USP40: variants seen among roughly 807,000 people sequenced by gnomAD.
USP40 encodes ubiquitin carboxyl-terminal hydrolase 40.
USP40 carries 143 observed loss-of-function variants against 166.2 expected under a neutral mutation model. That is an observed-to-expected ratio of 0.86 (90% CI 0.75 to 0.99). The LOEUF (loss-of-function observed/expected upper bound fraction) is 0.99. Ranked by LOEUF, USP40 falls within the 50% of genes least tolerant of loss-of-function variation. USP40 has a pLI of 0.00. For synonymous variants in USP40, 498 were observed against 524.0 expected (o/e 0.95, Z 0.68); for missense variants, 1,444 against 1,479.7 (o/e 0.98, Z 0.40).
Position 233,512,605 on chromosome 2 carries a change from T to C in USP40, c.2401A>G (p.Arg801Gly). The C allele has an allele frequency of 6.4e-7, 1 of 1,567,760 alleles. No individual in the cohort carries two copies. ...MKELADNSCLRPIDRNGKLLC... is the reference protein window; with the variant it reads ...MKELADNSCLGPIDRNGKLLC... Reference sequence around the variant, plus strand: ...AGCTTCCCATTTCTATCAATAGGTCTCAAACAGCTGTTGTCAGCTATATAT... The same window carrying C: ...AGCTTCCCATTTCTATCAATAGGTCCCAAACAGCTGTTGTCAGCTATATAT... Residue 801 changes from arginine (R) to glycine (G), a missense_variant, in exon 19 of 32, where the codon AGA (arginine) becomes GGA (glycine). By Grantham distance (125) the Arg-to-Gly change is moderately radical. Coordinates refer to ENST00000678225, the MANE Select transcript of USP40 (RefSeq NM_001365479.2).
rs1559214442 is a variant in USP40 at position 233,486,007 on chromosome 2, C to A, written c.3198-30G>T. The A allele has an allele frequency of 1.9e-6, 3 of 1,540,670 alleles. No homozygotes were observed. Among genetic ancestry groups the A allele is most frequent in the Admixed American group, 2.2e-5 (1 of 46,412 alleles). On this transcript the variant is annotated intron_variant, in intron 28 of 31. Transcript: ENST00000678225. This position sits in a 1 kb window ranked among gnomAD's most constrained non-coding sequence, Gnocchi z 4.0. ...ACCAGAAAACCGTCAAGCGCCAGAT[C>A]CAAACAAACAAACAAAACCACGTGG... is the stretch of plus-strand genomic sequence containing the variant.
chr2:233,506,555 A>C (rs1274355785), intron 21 of USP40, among the ~76,000 whole-genome samples: 1 of 152,082 alleles, frequency 6.6e-6, no homozygotes, highest in Admixed American at 6.6e-5. Flanking sequence ...ACAACAGAGT[A>C]AAGAGACAAC....
chr2:233,484,671 C>T (rs114937680), intron 30 of USP40, among the ~76,000 whole-genome samples: 1 of 151,890 alleles, frequency 6.6e-6, no homozygotes, highest in Admixed American at 6.6e-5. Flanking sequence ...TTTGTAGAGA[C>T]CAGGTTTCAC....
chr2:233,510,343 T>A (rs2066718586), intron 20 of USP40, among the ~76,000 whole-genome samples: 1 of 151,908 alleles, frequency 6.6e-6, no homozygotes, highest in South Asian at 2.1e-4. Flanking sequence ...ATCATCAATG[T>A]TTTTTACTCC....
At chr2:233,498,950 A>G (rs2065899572) in intron 22 of USP40, among the ~76,000 whole-genome samples, 1 of 152,196 alleles carries the variant, frequency 6.6e-6, no homozygotes. Context: ...AATTGAAAGG[A>G]ATCAGTGGAA....
chr2:233,546,242 G>A (rs2069927328), intron 8 of USP40: 1 of 152,140 alleles, frequency 6.6e-6, no homozygotes, highest in South Asian at 2.1e-4. Flanking sequence ...CTGAAGAAAT[G>A]AGCACAAAAC....
chr2:233,542,182 C>T (rs562587576), intron 9 of USP40, 86 bp downstream of exon 9: 64 of 619,080 alleles, frequency 1.0e-4, no homozygotes, highest in Middle Eastern at 4.5e-4. Context: ...GCAATTAAAC[C>T]GCATACATTC....
intron 3 of USP40, chr2:233,561,249 C>T (rs375241300): frequency 1.3e-5 from 20 of 1,514,644 alleles, no homozygotes; most frequent in East Asian, 2.5e-5. Flanking sequence ...AAAAAGAGCC[C>T]GCATCGCCAA....
At position 233,485,983 on chromosome 2, in the gene USP40, C is replaced by A; in HGVS notation, c.3198-6G>T. ...TCAGCAGCACGTCCTGGGGGCTGTA[C>A]CAGAAAACCGTCAAGCGCCAGATCC... On this transcript the variant is annotated splice_polypyrimidine_tract_variant and splice_region_variant and intron_variant, in intron 28 of 31. Transcript: ENST00000678225. The A allele has an allele frequency of 6.4e-7, 1 of 1,563,366 alleles. No individual in the cohort carries two copies. Among genetic ancestry groups the A allele is most frequent in the Admixed American group, 2.0e-5 (1 of 50,384 alleles).
chr2:233,504,648 T>A (rs2066293231), intron 21 of USP40, among the ~76,000 whole-genome samples: 1 of 151,986 alleles, frequency 6.6e-6, no homozygotes, highest in South Asian at 2.1e-4. Flanking sequence ...AGGGATTCAA[T>A]GAGAGGATAT....
At chr2:233,491,941 A>G (rs1219352674) in intron 25 of USP40, among the ~76,000 whole-genome samples, 2 of 152,260 alleles carry the variant, frequency 1.3e-5, no homozygotes, top group Non-Finnish European at 1.5e-5. Flanking sequence ...ACTAATGCAT[A>G]GCAAGAAATT....
intron 2 of USP40, among the ~76,000 whole-genome samples, chr2:233,563,793 T>C (rs150469641): frequency 3.3e-5 from 5 of 152,316 alleles, no homozygotes; most frequent in African/African-American, 1.2e-4. Flanking sequence ...CAGTGCACAT[T>C]GTGCACTAAG....
rs1182488738 is a variant in USP40, at chr2:233,478,064, G to A, written c.3600-561C>T. 5.9e-5 allele frequency among the ~76,000 whole-genome samples: 9 copies of A among 152,360 alleles called. No individual in the cohort carries two copies. The East Asian group carries it at 1.5e-3, about 26-fold the overall frequency. ...GGCCCACCCACGCTGCACAGTCCCC[G>A]ACAGAAAGCCTCCGCGGCCCACCCG... On this transcript the variant is annotated intron_variant, in intron 31 of 31. Transcript: ENST00000678225.
chr2:233,515,234 T>C (rs1340302639), intron 18 of USP40, among the ~76,000 whole-genome samples: 1 of 152,258 alleles, frequency 6.6e-6, no homozygotes, highest in Non-Finnish European at 1.5e-5. Flanking sequence ...GTTTTAACTC[T>C]TATTCAGTAA....
At chr2:233,515,327 C>T (rs940979511) in intron 18 of USP40, among the ~76,000 whole-genome samples, 3 of 152,168 alleles carry the variant, frequency 2.0e-5, no homozygotes, top group South Asian at 2.1e-4. Context: ...ACCCATTTTA[C>T]CTTCCCATCA....
At chr2:233,528,127 T>C (rs2068197107) in intron 12 of USP40, among the ~76,000 whole-genome samples, 1 of 152,040 alleles carries the variant, frequency 6.6e-6, no homozygotes, top group Admixed American at 6.6e-5. Flanking sequence ...TACATGTGTG[T>C]GCCACCATGC....
At position 233,557,019 on chromosome 2, in the gene USP40, C is replaced by T; in HGVS notation, c.382G>A (p.Glu128Lys). 1 of 1,606,948 alleles carries T rather than the reference C, an allele frequency of 6.2e-7. No homozygotes were observed. Among genetic ancestry groups the T allele is most frequent in the Non-Finnish European group, 8.5e-7 (1 of 1,177,832 alleles). The change falls in exon 5 of 32, where the codon GAA (glutamate) becomes AAA (lysine). Residue 128 changes from glutamate (E) to lysine (K), a missense_variant and splice_region_variant. Transcript: ENST00000678225. ...TCCTGCACATCATGTTGCCTCATTT[C>T]CTACAAAACAGGTAACTTTTAGATG... Reference protein sequence around the residue: ...TDSFGWTSNEEMRQHDVQELN... With the variant: ...TDSFGWTSNEKMRQHDVQELN...
chr2:233,539,165 ATTATAG>A (rs1228373765), intron 10 of USP40, among the ~76,000 whole-genome samples: 1 of 151,972 alleles, frequency 6.6e-6, no homozygotes, highest in Non-Finnish European at 1.5e-5. Context: ...CAAATCCACA[ATTATAG>A]TTGGGAGATT....
At chr2:233,526,483 A>C (rs1418239810) in intron 13 of USP40, among the ~76,000 whole-genome samples, 1 of 152,200 alleles carries the variant, frequency 6.6e-6, no homozygotes, top group Non-Finnish European at 1.5e-5. Flanking sequence ...TCTAGTATTT[A>C]AAAAACTTCA....
Sources: allele counts gnomAD v4.1 joint callset (sites outside exome capture counted in the v4.1 genomes callset), GRCh38; gene constraint gnomAD v4.1.1; non-coding constraint Gnocchi (gnomAD v3.1); transcripts MANE v1.5; gene names NCBI Gene and HGNC (gene_info 2026-07-23, HGNC 2026-07-21).